The following ERC2 variants were observed in gnomAD, a reference collection of about 807,000 sequenced individuals.
ERC2 encodes the protein ERC protein 2.
A neutral mutation model predicts 114.8 loss-of-function variants in ERC2; 42 were observed. The observed-to-expected ratio is 0.37, with a 90% CI of 0.29 to 0.47. The LOEUF (loss-of-function observed/expected upper bound fraction) is 0.47. Among genes scored for constraint, ERC2 ranks in the 20% least tolerant of loss-of-function variants. The pLI is 0.99. For synonymous variants in ERC2, 454 were observed against 425.5 expected (o/e 1.07, Z -0.82); for missense variants, 939 against 1,150.7 (o/e 0.82, Z 2.66).
intron 3 of ERC2, among the ~76,000 whole-genome samples, chr3:56,205,573 G>A (rs2048676675): frequency 6.6e-6 from 1 of 152,194 alleles, no homozygotes; most frequent in Non-Finnish European, 1.5e-5. Context: ...TCCAAGGGCT[G>A]TGGTTCAGAC....
At chr3:55,864,307 C>T (rs2062197298) in intron 14 of ERC2, among the ~76,000 whole-genome samples, 2 of 149,454 alleles carry the variant, frequency 1.3e-5, no homozygotes, top group African/African-American at 4.9e-5. Flanking sequence ...TATATAATAG[C>T]TTAATCCAGA....
intron 17 of ERC2, among the ~76,000 whole-genome samples, chr3:55,683,215 G>T (rs1004630704): frequency 4.6e-5 from 7 of 152,196 alleles, no homozygotes; most frequent in Admixed American, 4.6e-4. Context: ...AAGAGTTACA[G>T]TTACCCATTC....
chr3:56,386,201 T>G (rs1455954613), intron 2 of ERC2, among the ~76,000 whole-genome samples: 1 of 152,070 alleles, frequency 6.6e-6, no homozygotes, highest in Non-Finnish European at 1.5e-5. Context: ...CACAGATCAC[T>G]TGGTAGGACA....
At position 55,956,071 on chromosome 3, in the gene ERC2, C is replaced by G. The variant is rs115979672; in HGVS notation, c.2268-5511G>C. Among the ~76,000 whole-genome samples the G allele has an allele frequency of 6.2e-3, 942 of 152,314 alleles. 15 individuals carry two copies. The highest frequency in any genetic ancestry group is 0.022 in the African/African-American group (905 of 41,548). ...TGTTCACTCTTTCACTCTTAGCTTA[C>G]AGTAAGAAGAATGTAATCATGTCTT... On this transcript the variant is annotated intron_variant, in intron 12 of 17. Coordinates refer to ENST00000288221, the MANE Select transcript of ERC2 (RefSeq NM_015576.3).
At chr3:55,853,545 A>C (rs991379078) in intron 14 of ERC2, among the ~76,000 whole-genome samples, 2 of 152,160 alleles carry the variant, frequency 1.3e-5, no homozygotes, top group Non-Finnish European at 2.9e-5. Context: ...AAAGAAAAAA[A>C]AAGAAAGCAC....
rs551512225 is a variant in ERC2 at position 56,214,920 on chromosome 3, T to G, written c.1075-41400A>C. On this transcript the variant is annotated intron_variant, in intron 3 of 17. Transcript: ENST00000288221. ...CTTCAGAAGTGAAGGAGAAATAAAATCCTTTACAGACAAGCAAATGCTGAG... is the reference window on the plus strand; with the variant it reads ...CTTCAGAAGTGAAGGAGAAATAAAAGCCTTTACAGACAAGCAAATGCTGAG... 4.5e-4 allele frequency among the ~76,000 whole-genome samples: 68 copies of G among 152,178 alleles called. 2 individuals carry two copies. The South Asian group carries it at 0.013, about 30-fold the overall frequency.
chr3:55,823,940 A>C (rs1364147321), intron 14 of ERC2, among the ~76,000 whole-genome samples: 1 of 152,154 alleles, frequency 6.6e-6, no homozygotes, highest in Non-Finnish European at 1.5e-5. Context: ...ATCCAAGATC[A>C]AGGTGTCGGC....
chr3:56,162,208 C>G (rs1298692687), intron 4 of ERC2, among the ~76,000 whole-genome samples: 1 of 152,072 alleles, frequency 6.6e-6, no homozygotes, highest in Admixed American at 6.6e-5. Context: ...TATATTGAAC[C>G]AACTTTGCAT....
intron 1 of ERC2, among the ~76,000 whole-genome samples, chr3:56,454,573 A>C (rs1185962983): frequency 6.6e-6 from 1 of 152,226 alleles, no homozygotes; most frequent in East Asian, 1.9e-4. Flanking sequence ...GTATACACAT[A>C]AAATGGAATA....
chr3:55,521,127 A>G (rs2107203020), intron 17 of ERC2, among the ~76,000 whole-genome samples: 1 of 152,328 alleles, frequency 6.6e-6, no homozygotes, highest in African/African-American at 2.4e-5. Context: ...GTGGAATGCC[A>G]TTTACTCTTG....
Position 55,992,231 on chromosome 3 carries a change from T to G in ERC2, c.2081A>C (p.Asp694Ala), listed in dbSNP as rs767835143. Reference sequence around the variant, plus strand: ...TGCAAACTCAGGGTTCATCCTGGAGTCATCTTCAATATTATGTGCCTTCAA... The same window carrying G: ...TGCAAACTCAGGGTTCATCCTGGAGGCATCTTCAATATTATGTGCCTTCAA... ...QLKKAHNIED[D>A]SRMNPEFADQ... The change falls in exon 11 of 18, where the codon GAC (aspartate) becomes GCC (alanine). Residue 694 changes from aspartate (D) to alanine (A), a missense_variant. Asp to Ala is a moderately radical substitution (Grantham distance 126). Around this residue, in one of 5 missense-constraint regions of ERC2, gnomAD observed 328 missense variants for 353.9 expected, o/e 0.93. Transcript: ENST00000288221. The G allele has an allele frequency of 6.2e-7, 1 of 1,613,180 alleles. No individual in the cohort carries two copies. The highest frequency in any genetic ancestry group is 8.5e-7 in the Non-Finnish European group (1 of 1,179,546).
At chr3:56,337,746 G>A (rs1256527829) in intron 2 of ERC2, among the ~76,000 whole-genome samples, 3 of 152,168 alleles carry the variant, frequency 2.0e-5, no homozygotes, top group Admixed American at 6.5e-5. Flanking sequence ...TCCACTCCAA[G>A]ATGTGTACTC....
At chr3:56,419,793 G>A (rs1180827814) in intron 2 of ERC2, among the ~76,000 whole-genome samples, 3 of 152,188 alleles carry the variant, frequency 2.0e-5, no homozygotes, top group Non-Finnish European at 4.4e-5. Context: ...AGTGAAATTT[G>A]TGCACAATCC....
intron 3 of ERC2, among the ~76,000 whole-genome samples, chr3:56,211,974 T>C (rs2049092997): frequency 6.6e-6 from 1 of 151,956 alleles, no homozygotes; most frequent in South Asian, 2.1e-4. Flanking sequence ...AAGACTCAAA[T>C]CTGAAACCAT....
intron 17 of ERC2, among the ~76,000 whole-genome samples, chr3:55,667,268 T>C (rs1294424969): frequency 6.6e-6 from 1 of 152,240 alleles, no homozygotes; most frequent in African/African-American, 2.4e-5. Flanking sequence ...GCTCATCTTA[T>C]GATGCTGTTT....
At chr3:55,864,811 T>C (rs535392698) in intron 14 of ERC2, among the ~76,000 whole-genome samples, 1 of 152,208 alleles carries the variant, frequency 6.6e-6, no homozygotes, top group Admixed American at 6.5e-5. Flanking sequence ...CATTGGGTCA[T>C]CATCACCATT....
chr3:55,903,619 A>G (rs1559845333), intron 13 of ERC2, among the ~76,000 whole-genome samples: 2 of 152,266 alleles, frequency 1.3e-5, no homozygotes, highest in East Asian at 3.8e-4. Flanking sequence ...TAATAATTAT[A>G]CATATATCGA....
At chr3:55,935,562 C>T in intron 13 of ERC2, among the ~76,000 whole-genome samples, 1 of 152,156 alleles carries the variant, frequency 6.6e-6, no homozygotes, top group East Asian at 1.9e-4. Flanking sequence ...TGGCCAAGAT[C>T]TAAACACTCA....
intron 2 of ERC2, among the ~76,000 whole-genome samples, chr3:56,390,993 T>C (rs902585117): frequency 1.3e-5 from 2 of 152,198 alleles, no homozygotes; most frequent in African/African-American, 4.8e-5. Context: ...TCATACCATG[T>C]CAGACTGATC....
Sources: gnomAD v4.1 joint callset for allele counts (sites outside exome capture counted in the v4.1 genomes callset) on GRCh38, gnomAD v4.1.1 for gene constraint, gnomAD v4.1.1 regional missense constraint, MANE v1.5 for transcripts, NCBI Gene and HGNC (gene_info 2026-07-23, HGNC 2026-07-21) for gene names.